The following MAGI1 variants were observed in gnomAD, a reference collection of about 807,000 sequenced individuals.
The protein encoded by MAGI1 is membrane associated guanylate kinase, WW and PDZ domain containing 1, also known as membrane-associated guanylate kinase, WW and PDZ domain-containing protein 1.
Under a neutral mutation model 139.9 loss-of-function variants are expected in MAGI1, and 58 were observed. The observed-to-expected ratio is 0.41, with a 90% CI of 0.34 to 0.52. The LOEUF is 0.52. Ranked by LOEUF, MAGI1 falls within the 20% of genes least tolerant of loss-of-function variation. The pLI is 0.12. For missense variants in MAGI1, 1,874 were observed against 1,901.6 expected (o/e 0.99, Z 0.27); for synonymous variants, 812 against 737.9 (o/e 1.10, Z -1.63).
At chr3:65,595,433 G>C (rs1195472668) in intron 2 of MAGI1, among the ~76,000 whole-genome samples, 3 of 152,156 alleles carry the variant, frequency 2.0e-5, no homozygotes, top group Admixed American at 6.5e-5. Flanking sequence ...CTAGACTCAG[G>C]GTTGGTAGTT....
chr3:65,569,738 A>T (rs1277306065), intron 2 of MAGI1, among the ~76,000 whole-genome samples: 1 of 151,944 alleles, frequency 6.6e-6, no homozygotes, highest in East Asian at 1.9e-4. Context: ...TTAGCCATGC[A>T]TGATGGCATG....
intron 1 of MAGI1, among the ~76,000 whole-genome samples, chr3:66,005,624 C>T (rs1283343618): frequency 6.6e-6 from 1 of 152,044 alleles, no homozygotes; most frequent in African/African-American, 2.4e-5. Flanking sequence ...TCTTACTATA[C>T]ATATTGAGGC....
chr3:65,593,403 G>C (rs1485829887), intron 2 of MAGI1, among the ~76,000 whole-genome samples: 2 of 147,700 alleles, frequency 1.4e-5, no homozygotes, highest in African/African-American at 4.9e-5. Context: ...GTGAAGGATG[G>C]GGGGGAAAGG....
chr3:65,530,664 TATATATATAC>T (rs2078622104), intron 2 of MAGI1, among the ~76,000 whole-genome samples: 1 of 131,482 alleles, frequency 7.6e-6, no homozygotes, highest in Non-Finnish European at 1.5e-5. Flanking sequence ...TGTGTGTGTA[TATATATATAC>T]ATATATATAT....
intron 2 of MAGI1, among the ~76,000 whole-genome samples, chr3:65,560,818 G>A (rs1049990908): frequency 6.6e-6 from 1 of 152,174 alleles, no homozygotes; most frequent in Non-Finnish European, 1.5e-5. Context: ...CACTAGGGAA[G>A]TCTGGGAGGA....
intron 22 of MAGI1, chr3:65,360,189 T>A (rs1379240867): frequency 4.5e-5 from 44 of 985,138 alleles, no homozygotes; most frequent in Non-Finnish European, 5.3e-5. Flanking sequence ...AAAATGCAAC[T>A]GAGAATTGTG....
At chr3:65,818,412 T>C (rs1345831270) in intron 1 of MAGI1, among the ~76,000 whole-genome samples, 1 of 151,986 alleles carries the variant, frequency 6.6e-6, no homozygotes, top group Non-Finnish European at 1.5e-5. Flanking sequence ...GGCTGAGTGT[T>C]AAAGAGAGTA....
At chr3:65,779,667 T>C (rs2038772174) in intron 1 of MAGI1, among the ~76,000 whole-genome samples, 1 of 152,212 alleles carries the variant, frequency 6.6e-6, no homozygotes, top group African/African-American at 2.4e-5. Context: ...AGATGAAAAG[T>C]TCTCCTGTGG....
At chr3:65,588,895 A>G (rs1413557292) in intron 2 of MAGI1, among the ~76,000 whole-genome samples, 1 of 152,210 alleles carries the variant, frequency 6.6e-6, no homozygotes, top group African/African-American at 2.4e-5. Context: ...TAAGAAATAA[A>G]TATTTATATA....
chr3:65,962,694 C>T (rs543823984), intron 1 of MAGI1, among the ~76,000 whole-genome samples: 3 of 151,234 alleles, frequency 2.0e-5, no homozygotes, highest in Admixed American at 6.6e-5. Flanking sequence ...GCGTGGTGGC[C>T]CACATCTGTA....
At chr3:65,569,793 T>C (rs950458975) in intron 2 of MAGI1, among the ~76,000 whole-genome samples, 1 of 151,818 alleles carries the variant, frequency 6.6e-6, no homozygotes, top group African/African-American at 2.4e-5. Flanking sequence ...GAAGATCTCT[T>C]GAGCCTGGGA....
intron 2 of MAGI1, among the ~76,000 whole-genome samples, chr3:65,507,632 A>C (rs969338311): frequency 6.6e-6 from 1 of 152,226 alleles, no homozygotes. Context: ...AACGATCTCT[A>C]TAACTATAAA....
At chr3:65,556,610 A>T (rs2080096186) in intron 2 of MAGI1, among the ~76,000 whole-genome samples, 1 of 152,202 alleles carries the variant, frequency 6.6e-6, no homozygotes, top group South Asian at 2.1e-4. Flanking sequence ...AATATATTTC[A>T]TGCATTCACT....
chr3:65,367,402 T>A (rs1404205968), intron 18 of MAGI1, among the ~76,000 whole-genome samples: 2 of 152,176 alleles, frequency 1.3e-5, no homozygotes, highest in Non-Finnish European at 2.9e-5. Flanking sequence ...TTTTTCCTCA[T>A]CTGTATGTCT....
At chr3:65,529,345 T>C (rs1184963423) in intron 2 of MAGI1, among the ~76,000 whole-genome samples, 4 of 152,166 alleles carry the variant, frequency 2.6e-5, no homozygotes, top group Admixed American at 2.0e-4. Flanking sequence ...AGAAACTCCA[T>C]ACCCATTAAG....
In MAGI1 at chr3:65,586,245, C is replaced by T. The variant is rs773517493; in HGVS notation, c.430+35727G>A. 2.6e-5 allele frequency among the ~76,000 whole-genome samples: 4 copies of T among 151,406 alleles called. No homozygotes were observed. The South Asian group carries it at 6.3e-4, about 24-fold the overall frequency. ...GCAACAACAGGGATGAAGCTTAAGT[C>T]CATTTTATTAAGTGAGAAAAGCTAA... On this transcript the variant is annotated intron_variant, in intron 2 of 22. Coordinates refer to ENST00000402939, the MANE Select transcript of MAGI1 (RefSeq NM_001033057.2).
chr3:65,901,758 T>A (rs17440853), intron 1 of MAGI1, among the ~76,000 whole-genome samples: 3 of 152,152 alleles, frequency 2.0e-5, no homozygotes, highest in African/African-American at 7.2e-5. Context: ...CTAATTCTAC[T>A]GTTCTCATTT....
intron 1 of MAGI1, among the ~76,000 whole-genome samples, chr3:65,864,272 C>G (rs922423989): frequency 2.6e-5 from 4 of 152,122 alleles, no homozygotes; most frequent in African/African-American, 9.7e-5. Context: ...GATTCTTCAC[C>G]AAAAGCTCAA....
chr3:65,891,793 T>G (rs1040018785), intron 1 of MAGI1, among the ~76,000 whole-genome samples: 1 of 143,770 alleles, frequency 7.0e-6, no homozygotes, highest in Non-Finnish European at 1.5e-5. Flanking sequence ...ATGTAAATGA[T>G]GAGTTAATGG....
Sources: allele counts gnomAD v4.1 joint callset (sites outside exome capture counted in the v4.1 genomes callset), GRCh38; gene constraint gnomAD v4.1.1; transcripts MANE v1.5; gene names NCBI Gene and HGNC (gene_info 2026-07-23, HGNC 2026-07-21).